Variants in ASCC2 observed in about 807,000 individuals in gnomAD.
The protein encoded by ASCC2 is activating signal cointegrator 1 complex subunit 2, also known as ASC-1 complex subunit P100.
A neutral mutation model predicts 93.5 loss-of-function variants in ASCC2; 42 were observed. The observed-to-expected ratio is 0.45, with a 90% CI of 0.35 to 0.58. The LOEUF is 0.58. ASCC2 is among the 20% of genes least tolerant of loss of function. ASCC2 has a pLI of 0.00. For missense variants in ASCC2, 859 were observed against 977.6 expected, an observed-to-expected ratio of 0.88 and a Z score of 1.62; for synonymous variants, 364 against 384.2, an observed-to-expected ratio of 0.95 and a Z score of 0.62.
chr22:29,805,901 A>G (rs1238540253), intron 12 of ASCC2, among the ~76,000 whole-genome samples: 1 of 151,294 alleles, frequency 6.6e-6, no homozygotes, highest in Admixed American at 6.6e-5. Context: ...GTGACACTCT[A>G]TCTAACTGCC....
intron 2 of ASCC2, among the ~76,000 whole-genome samples, chr22:29,831,158 A>G (rs2148369010): frequency 6.6e-6 from 1 of 152,340 alleles, no homozygotes; most frequent in African/African-American, 2.4e-5. Context: ...ATGACCACCT[A>G]TTGGGTGGCT....
intron 6 of ASCC2, among the ~76,000 whole-genome samples, 198 bp from the exon 7 acceptor site, chr22:29,814,965 G>A (rs2060668309): frequency 6.6e-6 from 1 of 152,160 alleles, no homozygotes; most frequent in Admixed American, 6.5e-5. Flanking sequence ...GGGGATGATG[G>A]GAGCATCCTT....
chr22:29,801,828 C>A (rs548843745), intron 14 of ASCC2, among the ~76,000 whole-genome samples, 166 bp downstream of exon 14: 2 of 152,150 alleles, frequency 1.3e-5, no homozygotes, highest in East Asian at 3.9e-4. Flanking sequence ...AAAACTCCTG[C>A]GGGGCCTAAG....
Position 29,806,820 on chromosome 22 carries a change from G to A in ASCC2, c.993C>T (p.Cys331=), listed in dbSNP as rs201318866. Residue 331 remains cysteine, a synonymous_variant, in exon 10 of 20, where the codon TGC becomes TGT. Transcript: ENST00000307790. ...EIFHIILNQI[C]LLPILESSCD... is the part of the protein sequence containing the mutation. ...ACCTGCTTTCTAGGATGGGAAGGAG[G>A]CAGATCTGGTTCAGGATGATGTGGA... 5 of 1,613,424 alleles carry A rather than the reference G, an allele frequency of 3.1e-6. No homozygotes were observed. Among genetic ancestry groups the A allele is most frequent in the Non-Finnish European group, 4.2e-6 (5 of 1,179,354 alleles).
intron 1 of ASCC2, among the ~76,000 whole-genome samples, chr22:29,837,159 G>A (rs1020212833): frequency 3.3e-5 from 5 of 152,020 alleles, no homozygotes; most frequent in Non-Finnish European, 7.4e-5. Context: ...GGCTGGGCGC[G>A]ATGGCTCACG....
intron 19 of ASCC2, 47 bp downstream of exon 19, chr22:29,790,422 C>T (rs200945928): frequency 6.2e-7 from 1 of 1,601,018 alleles, no homozygotes; most frequent in African/African-American, 1.3e-5. Context: ...AGGCCCTCCC[C>T]AGATGGTGGG....
intron 12 of ASCC2, 98 bp from the exon 13 acceptor site, chr22:29,804,928 A>C: frequency 7.3e-7 from 1 of 1,369,952 alleles, no homozygotes. Flanking sequence ...GGTTCCTGCC[A>C]GGGGCTTTCT....
intron 9 of ASCC2, among the ~76,000 whole-genome samples, chr22:29,807,199 C>T (rs2059767804): frequency 7.3e-6 from 1 of 137,928 alleles, no homozygotes; most frequent in South Asian, 2.3e-4. Flanking sequence ...CATGATGGTG[C>T]CATTCCAGCC....
chr22:29,836,090 A>G (rs1451713479), intron 1 of ASCC2, among the ~76,000 whole-genome samples: 1 of 152,026 alleles, frequency 6.6e-6, no homozygotes, highest in Admixed American at 6.6e-5. Flanking sequence ...AGCCCAGGAG[A>G]TTGAGGTTGC....
At chr22:29,805,586 A>G (rs1451028592) in intron 12 of ASCC2, among the ~76,000 whole-genome samples, 2 of 151,902 alleles carry the variant, frequency 1.3e-5, no homozygotes, top group Admixed American at 1.3e-4. Context: ...AGTGATGGTC[A>G]CCCCAGGGCT....
At chr22:29,816,220 G>A in intron 5 of ASCC2, 147 bp from the exon 6 acceptor site, 1 of 690,000 alleles carries the variant, frequency 1.4e-6, no homozygotes, top group Non-Finnish European at 2.5e-6. Flanking sequence ...GACGAGTCCT[G>A]GCCCCAGGCC....
At chr22:29,833,167 C>G (rs1045338388) in intron 1 of ASCC2, among the ~76,000 whole-genome samples, 2 of 152,184 alleles carry the variant, frequency 1.3e-5, no homozygotes, top group African/African-American at 4.8e-5. Flanking sequence ...AGCCTGTGAG[C>G]TCTATGAAGA....
intron 4 of ASCC2, among the ~76,000 whole-genome samples, chr22:29,824,020 C>T (rs537810514): frequency 9.3e-4 from 141 of 151,880 alleles, no homozygotes; most frequent in Non-Finnish European, 1.8e-3. Flanking sequence ...GCAAGATGCC[C>T]TCTCTCCAAA....
rs968921711 is a variant in ASCC2, at chr22:29,806,800, C to G, written c.1013G>C (p.Ser338Thr). 11 of 1,610,082 alleles carry G rather than the reference C, an allele frequency of 6.8e-6. No homozygotes were observed. Among genetic ancestry groups the G allele is most frequent in the Non-Finnish European group, 9.4e-6 (11 of 1,176,418 alleles). Reference protein sequence around the residue: ...NQICLLPILESSCDNIQGFIE... With the variant: ...NQICLLPILETSCDNIQGFIE... ...GAGGCAATTCGTGAGGGCTTACCTG[C>G]TTTCTAGGATGGGAAGGAGGCAGAT... is the stretch of plus-strand genomic sequence containing the variant. The change falls in exon 10 of 20, where the codon AGC (serine) becomes ACC (threonine). Residue 338 changes from serine (S) to threonine (T), a missense_variant. Ser to Thr is a moderately conservative substitution (Grantham distance 58). Transcript: ENST00000307790.
chr22:29,832,427 G>C (rs2063266483), intron 1 of ASCC2, 85 bp from the exon 2 acceptor site: 1 of 1,077,248 alleles, frequency 9.3e-7, no homozygotes, highest in Non-Finnish European at 1.4e-6. Context: ...CCCAGAGTCA[G>C]AAGAGAAGCT....
In ASCC2 at chr22:29,789,035, C is replaced by T. The variant is rs754488227; in HGVS notation, c.2252G>A (p.Ser751Asn). The change falls in exon 20 of 20, where the codon AGC becomes AAC. Residue 751 changes from serine to asparagine, a missense_variant. By Grantham distance (46) the Ser-to-Asn change is conservative. Coordinates refer to ENST00000307790, the MANE Select transcript of ASCC2 (RefSeq NM_032204.5). ...NRRTMADRKR[S>N]KGMIPS ...GTCTCAGGATGGGATCATGCCTTTG[C>T]TCCTCTTGCGGTCGGCCATGGTTCT... 3.1e-6 allele frequency: 5 copies of T among 1,614,220 alleles called. No homozygotes were observed. In the South Asian group the frequency reaches 5.5e-5, roughly 18 times the overall value.
rs1314470156 is a variant in ASCC2, at chr22:29,825,195, T to C, written c.303A>G (p.Lys101=). Residue 101 remains lysine, a synonymous_variant, in exon 4 of 20, where the codon AAA becomes AAG. Transcript: ENST00000307790. The surrounding 1 kb of genome is among the most constrained non-coding windows in gnomAD (Gnocchi z 4.9). ...GGGCTGAGGCCACCCCCTCGTCGAA[T>C]TTGCGGGGGACATAGCGCAGGTAGG... ...LDSYLRYVPR[K]FDEGVASAPE... is the part of the protein sequence containing the mutation. The C allele has an allele frequency of 6.4e-7, 1 of 1,561,606 alleles. No homozygotes were observed. The highest frequency in any genetic ancestry group is 8.7e-7 in the Non-Finnish European group (1 of 1,154,834).
chr22:29,803,171 A>G (rs997174584), intron 13 of ASCC2, among the ~76,000 whole-genome samples: 1 of 151,220 alleles, frequency 6.6e-6, no homozygotes, highest in East Asian at 1.9e-4. Context: ...GAATCGCTTG[A>G]TCCCAGGAGG....
intron 4 of ASCC2, among the ~76,000 whole-genome samples, chr22:29,823,630 G>A (rs1000225985): frequency 1.3e-5 from 2 of 152,042 alleles, no homozygotes; most frequent in Admixed American, 6.5e-5. Context: ...GACGGATCAC[G>A]TGAGGTCAGG....
Sources: gnomAD v4.1 joint callset for allele counts (sites outside exome capture counted in the v4.1 genomes callset) on GRCh38, gnomAD v4.1.1 for gene constraint, Gnocchi (gnomAD v3.1) non-coding constraint, MANE v1.5 for transcripts, NCBI Gene and HGNC (gene_info 2026-07-23, HGNC 2026-07-21) for gene names.